The following PTK2 variants were observed in gnomAD, a reference collection of about 807,000 sequenced individuals.
The protein encoded by PTK2 is protein tyrosine kinase 2, also known as focal adhesion kinase 1.
In PTK2, 45 loss-of-function variants were observed where a neutral mutation model predicts 150.1. The ratio of observed to expected loss-of-function variants is 0.30; its 90% CI spans 0.24 to 0.38. The LOEUF is 0.38. Ranked by LOEUF, PTK2 falls within the 10% of genes least tolerant of loss-of-function variation. The probability of loss-of-function intolerance (pLI) is 1.00; values close to 1 mark genes in which losing one functional copy is unlikely to be tolerated. For synonymous variants in PTK2, 432 were observed against 449.2 expected, an observed-to-expected ratio of 0.96 and a Z score of 0.48; for missense variants, 919 against 1,307.3, an observed-to-expected ratio of 0.70 and a Z score of 4.58.
chr8:140,799,088 T>G (rs1331419521), intron 12 of PTK2: 1 of 152,258 alleles, frequency 6.6e-6, no homozygotes, highest in Non-Finnish European at 1.5e-5. Flanking sequence ...CACAGATTTA[T>G]GTTTACTTAG....
At position 140,910,600 on chromosome 8, in the gene PTK2, T is replaced by C. The variant is rs150230646; in HGVS notation, c.-33+15061A>G. ...TCTACAGATACCCTAATGCTTCCTA[T>C]AACCCCAAACAAAGAAATTAAGAAT... On this transcript the variant is annotated intron_variant, in intron 2 of 31. Transcript: ENST00000522684. Among the ~76,000 whole-genome samples, 701 of 152,256 alleles carry C rather than the reference T, an allele frequency of 4.6e-3. 3 individuals are homozygous for C. Among genetic ancestry groups the C allele is most frequent in the African/African-American group, 0.016 (662 of 41,554 alleles).
chr8:140,676,413 A>AATATAT (rs34034698), intron 27 of PTK2, among the ~76,000 whole-genome samples: 3 of 99,414 alleles, frequency 3.0e-5, no homozygotes, highest in Non-Finnish European at 5.8e-5. Flanking sequence ...TTAATTAATT[A>AATATAT]ATATATATAT....
At position 140,764,306 on chromosome 8, in the gene PTK2, C is replaced by T; in HGVS notation, c.1178-16G>A. 1.3e-6 allele frequency: 2 copies of T among 1,596,550 alleles called. No individual in the cohort carries two copies. Among genetic ancestry groups the T allele is most frequent in the Non-Finnish European group, 1.7e-6 (2 of 1,165,662 alleles). On this transcript the variant is annotated splice_polypyrimidine_tract_variant and intron_variant, in intron 14 of 31. Transcript: ENST00000522684. Reference sequence around the variant, plus strand: ...TCATCTGTTTCTGCAGGAAAAGAAACAGATATGTTGAAAGAGGTTAAACAT... The same window carrying T: ...TCATCTGTTTCTGCAGGAAAAGAAATAGATATGTTGAAAGAGGTTAAACAT...
chr8:140,720,133 G>A (rs1281111473), intron 22 of PTK2, among the ~76,000 whole-genome samples: 1 of 152,004 alleles, frequency 6.6e-6, no homozygotes, highest in Non-Finnish European at 1.5e-5. Context: ...TAATGTTTGT[G>A]TGCTTTTGGA....
chr8:140,705,927 G>A (rs1456568315), intron 24 of PTK2, among the ~76,000 whole-genome samples, 192 bp downstream of exon 27: 2 of 152,214 alleles, frequency 1.3e-5, no homozygotes, highest in African/African-American at 4.8e-5. Context: ...AAGATGGAGT[G>A]AAAAACAAAC....
chr8:140,991,222 G>T (rs1436206588), intron 1 of PTK2, among the ~76,000 whole-genome samples: 1 of 152,120 alleles, frequency 6.6e-6, no homozygotes, highest in Non-Finnish European at 1.5e-5. Flanking sequence ...ACACAATACA[G>T]CTTCATTAGT....
intron 22 of PTK2, among the ~76,000 whole-genome samples, chr8:140,719,698 T>C (rs2100041708): frequency 6.6e-6 from 1 of 151,964 alleles, no homozygotes; most frequent in African/African-American, 2.4e-5. Context: ...GACGAGGTCT[T>C]TGAGGTGCTC....
At chr8:140,866,244 C>T in intron 4 of PTK2, among the ~76,000 whole-genome samples, 1 of 152,248 alleles carries the variant, frequency 6.6e-6, no homozygotes, top group East Asian at 1.9e-4. Flanking sequence ...TAATGGGACT[C>T]CCATTTTATT....
At position 140,960,237 on chromosome 8, in the gene PTK2, C is replaced by A. The variant is rs2100182686; in HGVS notation, c.-121-34488G>T. ...TTTTTGAGACGGAGTCTCACTCTGT[C>A]ACCCAGGCTGGAGCGCAATGGCACG... On this transcript the variant is annotated intron_variant, in intron 1 of 31. Coordinates refer to ENST00000522684, the Ensembl canonical transcript of PTK2. 2.2e-5 allele frequency among the ~76,000 whole-genome samples: 3 copies of A among 137,108 alleles called. 1 individual carries two copies. In the Admixed American group the frequency reaches 2.3e-4, roughly 10 times the overall value. 89.9% of individuals were successfully genotyped at this position (137,108 alleles called of 152,430 possible). A position where few individuals can be genotyped will look rare whatever the true frequency, so the allele number is the denominator to read the frequency against.
chr8:140,911,325 G>T (rs1393378651), intron 2 of PTK2, among the ~76,000 whole-genome samples: 2 of 151,930 alleles, frequency 1.3e-5, no homozygotes, highest in Non-Finnish European at 2.9e-5. Flanking sequence ...TAACCATATT[G>T]TCTGGTAATC....
At chr8:141,000,735 G>A (rs1687134809) in intron 1 of PTK2, 1 of 50,218 alleles carries the variant, frequency 2.0e-5, no homozygotes, top group Non-Finnish European at 3.7e-5. Context: ...TGTCTTCCCC[G>A]AACCCCTTGG....
chr8:140,961,675 A>G (rs2100183259), intron 1 of PTK2, among the ~76,000 whole-genome samples: 1 of 143,572 alleles, frequency 7.0e-6, no homozygotes, highest in Non-Finnish European at 1.5e-5. Context: ...AAGAAAAAAG[A>G]AAAAAAAAAA....
intron 1 of PTK2, among the ~76,000 whole-genome samples, chr8:140,959,479 C>A (rs891277601): frequency 2.1e-5 from 3 of 144,864 alleles, no homozygotes; most frequent in Admixed American, 1.4e-4. Flanking sequence ...GCGGAGCTTG[C>A]AGTGAGCGGA....
intron 14 of PTK2, chr8:140,765,087 C>T (rs955198473): frequency 1.3e-5 from 2 of 152,194 alleles, no homozygotes; most frequent in Admixed American, 1.3e-4. Flanking sequence ...GAAAAAATCA[C>T]TTCAGCCTTG....
At chr8:140,951,681 G>C (rs562759440) in intron 1 of PTK2, among the ~76,000 whole-genome samples, 13 of 152,242 alleles carry the variant, frequency 8.5e-5, no homozygotes, top group African/African-American at 3.1e-4. Context: ...CCAGGAGTTT[G>C]AGACCAGCTT....
intron 14 of PTK2, among the ~76,000 whole-genome samples, chr8:140,785,351 T>G (rs576096530): frequency 1.5e-4 from 23 of 152,346 alleles, no homozygotes; most frequent in African/African-American, 5.3e-4. Context: ...AATAAAGAGA[T>G]AAACAGAACA....
chr8:140,928,418 C>G (rs2100170511), intron 1 of PTK2, among the ~76,000 whole-genome samples: 1 of 152,124 alleles, frequency 6.6e-6, no homozygotes, highest in Non-Finnish European at 1.5e-5. Context: ...AATATTAAAA[C>G]TAGGACCACC....
At chr8:140,981,507 G>A (rs1196351041) in intron 1 of PTK2, among the ~76,000 whole-genome samples, 2 of 152,128 alleles carry the variant, frequency 1.3e-5, no homozygotes, top group Non-Finnish European at 2.9e-5. Flanking sequence ...CTAGGAGTTT[G>A]CTTTGTTATC....
intron 7 of PTK2, among the ~76,000 whole-genome samples, chr8:140,840,124 T>C (rs2100121424): frequency 6.6e-6 from 1 of 152,186 alleles, no homozygotes; most frequent in African/African-American, 2.4e-5. Context: ...AGTGGCATGA[T>C]CATAGCTCAC....
Sources: allele counts gnomAD v4.1 joint callset (sites outside exome capture counted in the v4.1 genomes callset), GRCh38; gene constraint gnomAD v4.1.1; transcripts MANE v1.5; gene names NCBI Gene and HGNC (gene_info 2026-07-23, HGNC 2026-07-21).